The following FAM117A variants were observed in gnomAD, a reference collection of about 807,000 sequenced individuals.
FAM117A encodes protein FAM117A.
Under a neutral mutation model 44.1 loss-of-function variants are expected in FAM117A, and 21 were observed. The observed-to-expected ratio is 0.48, with a 90% CI of 0.34 to 0.69. The LOEUF (loss-of-function observed/expected upper bound fraction) is 0.69, where lower values mean the gene tolerates loss of function less well. Among genes scored for constraint, FAM117A ranks in the 30% least tolerant of loss-of-function variants. The pLI, the probability that FAM117A is intolerant of heterozygous loss-of-function variation, is 0.01. For synonymous variants in FAM117A, 220 were observed against 238.3 expected, an observed-to-expected ratio of 0.92 and a Z score of 0.71; for missense variants, 498 against 589.9, an observed-to-expected ratio of 0.84 and a Z score of 1.61.
At chr17:49,788,942 C>T, upstream of FAM117A, 1 of 1,196,718 alleles carries the variant, frequency 8.4e-7, no homozygotes, top group East Asian at 2.9e-5. Flanking sequence ...GCTTGGGTCC[C>T]AACTTTCCGC....
At chr17:49,738,324 C>T (rs928111000) in intron 1 of FAM117A, among the ~76,000 whole-genome samples, 2 of 152,144 alleles carry the variant, frequency 1.3e-5, no homozygotes, top group African/African-American at 4.8e-5. Flanking sequence ...CTCCCTCTGA[C>T]CAGTTATCCA....
At chr17:49,745,801 G>C (rs1483065277) in intron 1 of FAM117A, among the ~76,000 whole-genome samples, 3 of 152,198 alleles carry the variant, frequency 2.0e-5, no homozygotes, top group African/African-American at 7.2e-5. Flanking sequence ...ACAGGAATGG[G>C]AAGTAGTTCC....
At chr17:49,762,039 G>C (rs73335278) in intron 1 of FAM117A, among the ~76,000 whole-genome samples, 1 of 152,100 alleles carries the variant, frequency 6.6e-6, no homozygotes, top group Non-Finnish European at 1.5e-5. Flanking sequence ...ATTTCTACCA[G>C]TATCCCAGGG....
intron 1 of FAM117A, among the ~76,000 whole-genome samples, chr17:49,773,840 A>G (rs1812113): frequency 1 from 151,581 of 152,194 alleles, 75,488 homozygotes; most frequent in Non-Finnish European, 1. Flanking sequence ...TGTAACCTCC[A>G]CCACCCTGGT....
intron 1 of FAM117A, among the ~76,000 whole-genome samples, chr17:49,740,293 G>A (rs1443489193): frequency 6.6e-6 from 1 of 151,988 alleles, no homozygotes; most frequent in African/African-American, 2.4e-5. Context: ...TGTCCCTCAG[G>A]CTGGAGTGCA....
chr17:49,734,864 A>G (rs1229672939), intron 1 of FAM117A, among the ~76,000 whole-genome samples: 1 of 152,230 alleles, frequency 6.6e-6, no homozygotes, highest in East Asian at 1.9e-4. Context: ...AAGGAAGGCA[A>G]TTCTGACACA....
chr17:49,773,693 T>C (rs910626452), intron 1 of FAM117A, among the ~76,000 whole-genome samples: 1 of 152,156 alleles, frequency 6.6e-6, no homozygotes, highest in African/African-American at 2.4e-5. Flanking sequence ...CAGCTACTAA[T>C]TCTTTCAGGA....
chr17:49,728,832 G>A (rs1181237865), intron 2 of FAM117A, among the ~76,000 whole-genome samples: 1 of 152,206 alleles, frequency 6.6e-6, no homozygotes, highest in African/African-American at 2.4e-5. Flanking sequence ...CTCAAAACAT[G>A]CAGCATCTCC....
At chr17:49,760,956 C>A (rs1017098133) in intron 1 of FAM117A, among the ~76,000 whole-genome samples, 2 of 152,212 alleles carry the variant, frequency 1.3e-5, no homozygotes, top group African/African-American at 4.8e-5. Context: ...CTTCCTCACT[C>A]CTAGCCCAGG....
At chr17:49,713,391 C>T (rs955304402) in intron 7 of FAM117A, among the ~76,000 whole-genome samples, 11 of 152,196 alleles carry the variant, frequency 7.2e-5, no homozygotes, top group Non-Finnish European at 1.0e-4. Context: ...TATGGGAAGA[C>T]GGTGAAGCTC....
At chr17:49,763,847 C>A in intron 1 of FAM117A, 45 bp downstream of exon 1, 1 of 1,023,964 alleles carries the variant, frequency 9.8e-7, no homozygotes, top group Non-Finnish European at 1.2e-6. Flanking sequence ...CGCCCCCCCT[C>A]CCCCAATGGC....
rs1032498778 is a variant in FAM117A, at chr17:49,770,141, G to A, written c.-621+18356C>T. Among the ~76,000 whole-genome samples the A allele has an allele frequency of 3.3e-5, 5 of 151,768 alleles. No homozygotes were observed. In the South Asian group the frequency reaches 6.3e-4, roughly 19 times the overall value. ...AAAAATTAGCCAGGTGTGGTGGTAC[G>A]TGCCTATAATCCCAATTACTCAGAA... On this transcript the variant is annotated intron_variant, in intron 1 of 7. Coordinates refer to the FAM117A transcript ENST00000513602.
At chr17:49,711,612 A>T in intron 7 of FAM117A, 57 bp from the exon 8 acceptor site, 2 of 1,527,752 alleles carry the variant, frequency 1.3e-6, no homozygotes, top group Non-Finnish European at 1.8e-6. Context: ...AGAAACAGAC[A>T]GCGAGAGAGG....
chr17:49,752,576 A>G (rs2095909959), intron 1 of FAM117A, among the ~76,000 whole-genome samples: 1 of 152,154 alleles, frequency 6.6e-6, no homozygotes, highest in Admixed American at 6.5e-5. Context: ...TCTCCCTAAC[A>G]TGGCCTTGCC....
chr17:49,721,012 C>A (rs2073531701), intron 3 of FAM117A, among the ~76,000 whole-genome samples: 1 of 152,096 alleles, frequency 6.6e-6, no homozygotes, highest in African/African-American at 2.4e-5. Flanking sequence ...TGCGTCTGGC[C>A]CTACCCCTCT....
chr17:49,756,262 T>G (rs2073698283), intron 1 of FAM117A, among the ~76,000 whole-genome samples: 1 of 152,154 alleles, frequency 6.6e-6, no homozygotes, highest in Non-Finnish European at 1.5e-5. Flanking sequence ...CTTTGCCTAC[T>G]CCAGCTTGAA....
chr17:49,747,347 A>C (rs2073658079), intron 1 of FAM117A: 1 of 152,074 alleles, frequency 6.6e-6, no homozygotes, highest in South Asian at 2.1e-4. Flanking sequence ...AGACATGAAC[A>C]CTCAGAGGGC....
intron 4 of FAM117A, 188 bp from the exon 5 acceptor site, chr17:49,720,082 G>T: frequency 1.3e-6 from 1 of 778,436 alleles, no homozygotes; most frequent in Non-Finnish European, 2.0e-6. Flanking sequence ...GCTTTGCAGA[G>T]TCTACTGTGT....
At chr17:49,716,510 C>G (rs949575430) in intron 6 of FAM117A, among the ~76,000 whole-genome samples, 195 bp from the exon 7 acceptor site, 2 of 152,174 alleles carry the variant, frequency 1.3e-5, no homozygotes, top group African/African-American at 4.8e-5. Flanking sequence ...CAGTGTATAA[C>G]AGAACAGAAA....
Sources: gnomAD v4.1 joint callset for allele counts (sites outside exome capture counted in the v4.1 genomes callset) on GRCh38, gnomAD v4.1.1 for gene constraint, MANE v1.5 for transcripts, NCBI Gene and HGNC (gene_info 2026-07-23, HGNC 2026-07-21) for gene names.